The following FBXO42 variants were observed in gnomAD, a reference collection of about 807,000 sequenced individuals.
FBXO42 encodes the protein F-box protein 42, also known as F-box only protein 42.
In FBXO42, 12 loss-of-function variants were observed where a neutral mutation model predicts 71.7. The observed-to-expected ratio is 0.17, with a 90% confidence interval of 0.11 to 0.27. The LOEUF is 0.27. FBXO42 is among the 10% of genes least tolerant of loss of function. The pLI, the probability that FBXO42 is intolerant of heterozygous loss-of-function variation, is 1.00. For synonymous variants in FBXO42, 325 were observed against 327.5 expected, an observed-to-expected ratio of 0.99 and a Z score of 0.08; for missense variants, 707 against 911.9, an observed-to-expected ratio of 0.78 and a Z score of 2.89.
chr1:16,305,243 C>A (rs2082237046), intron 3 of FBXO42, among the ~76,000 whole-genome samples: 1 of 151,852 alleles, frequency 6.6e-6, no homozygotes, highest in Non-Finnish European at 1.5e-5. Context: ...TAAAAATTAG[C>A]CAGGCGTGGT....
Position 16,310,974 on chromosome 1 carries a change from AAAAC to A in FBXO42, c.250+4191_250+4194del, listed in dbSNP as rs140818602. ...GGGCAACAGAGCCGGACTCCATCTC[AAAAC>A]AAACAAACAAACAAACAAAAAAACT... On this transcript the variant is annotated intron_variant, in intron 2 of 9. Coordinates refer to ENST00000375592, the MANE Select transcript of FBXO42 (RefSeq NM_018994.3). 8.2e-5 allele frequency among the ~76,000 whole-genome samples: 12 copies of A among 145,722 alleles called. No individual in the cohort carries two copies. In the Middle Eastern group the frequency reaches 0.01, roughly 127 times the overall value.
intron 4 of FBXO42, among the ~76,000 whole-genome samples, chr1:16,289,408 T>TA (rs58450626): frequency 0.29 from 40,158 of 139,170 alleles, 6,158 homozygotes; most frequent in Non-Finnish European, 0.37. Context: ...ATTGTCTCTT[T>TA]AAAAAAAAAA....
At position 16,295,513 on chromosome 1, in the gene FBXO42, C is replaced by T. The variant is rs1360037505; in HGVS notation, c.368-596G>A. On this transcript the variant is annotated intron_variant, in intron 3 of 9. Transcript: ENST00000375592. The stretch of plus-strand genomic sequence containing the variant: ...GCAAGCGATTCTCCTGCCTCAGCCT[C>T]CCAAGTAGCTGGGATTACAGGTGTG... Among the ~76,000 whole-genome samples the T allele has an allele frequency of 3.3e-5, 5 of 152,242 alleles. No homozygotes were observed. The East Asian group carries it at 7.7e-4, about 23-fold the overall frequency.
chr1:16,337,419 T>C (rs1196161408), intron 1 of FBXO42, among the ~76,000 whole-genome samples: 1 of 152,128 alleles, frequency 6.6e-6, no homozygotes. Flanking sequence ...GTGAGGAACA[T>C]ATTATCAATT....
At chr1:16,275,355 T>C (rs759082244) in intron 4 of FBXO42, among the ~76,000 whole-genome samples, 2 of 152,198 alleles carry the variant, frequency 1.3e-5, no homozygotes, top group African/African-American at 2.4e-5. Context: ...CGATGGCTCA[T>C]GTCTGTAATC....
intron 7 of FBXO42, 130 bp from the exon 8 acceptor site, chr1:16,253,282 A>G: frequency 1.4e-6 from 1 of 711,196 alleles, no homozygotes. Context: ...TAACCTCTCC[A>G]TTCTCCTAAA....
At position 16,259,490 on chromosome 1, in the gene FBXO42, G is replaced by A. The variant is rs753245827; in HGVS notation, c.503-2731C>T. 3.3e-5 allele frequency among the ~76,000 whole-genome samples: 5 copies of A among 152,136 alleles called. No individual in the cohort carries two copies. In the South Asian group the frequency reaches 6.2e-4, roughly 19 times the overall value. Reference sequence around the variant, plus strand: ...TAAGAATATATACCTCTTGCCAGGCGCAGTGGCTCACACCTGTAATCCCAG... The same window carrying A: ...TAAGAATATATACCTCTTGCCAGGCACAGTGGCTCACACCTGTAATCCCAG... On this transcript the variant is annotated intron_variant, in intron 4 of 9. Transcript: ENST00000375592.
chr1:16,303,017 C>T (rs1001758682), intron 3 of FBXO42, among the ~76,000 whole-genome samples: 1 of 151,826 alleles, frequency 6.6e-6, no homozygotes, highest in South Asian at 2.1e-4. Context: ...CTCAGGGGTT[C>T]GAGACCAGTC....
chr1:16,314,578 C>T (rs553985639), intron 2 of FBXO42, among the ~76,000 whole-genome samples: 2 of 152,300 alleles, frequency 1.3e-5, no homozygotes, highest in South Asian at 2.1e-4. Flanking sequence ...TTCACATTGG[C>T]TATTACTATT....
In FBXO42 at chr1:16,251,553, C is replaced by A. The variant is rs760070779; in HGVS notation, c.1271G>T (p.Arg424Leu). 8 of 1,613,974 alleles carry A rather than the reference C, an allele frequency of 5.0e-6. No individual in the cohort carries two copies. In the Admixed American group the frequency reaches 1.3e-4, roughly 27 times the overall value. Residue 424 changes from arginine to leucine, a missense_variant, in exon 10 of 10, where the codon CGG (arginine) becomes CTG (leucine). Arg to Leu is a moderately radical substitution (Grantham distance 102). Around this residue, in one of 5 missense-constraint regions of FBXO42, gnomAD observed 482 missense variants for 587.1 expected, o/e 0.82. Coordinates refer to ENST00000375592, the MANE Select transcript of FBXO42 (RefSeq NM_018994.3). This position sits in a 1 kb window ranked among gnomAD's most constrained non-coding sequence, Gnocchi z 4.5. ...RAQRQTPSGS[R>L]EGSLSPARGD... ...TCTGGCTGGGGAAAGGCTCCCTTCC[C>A]GGGAACCTGAAGGAGTCTGCCTTTG...
chr1:16,256,786 T>A (rs1216177530), intron 4 of FBXO42, 27 bp from the exon 5 acceptor site: 3 of 1,612,068 alleles, frequency 1.9e-6, no homozygotes, highest in African/African-American at 2.7e-5. Flanking sequence ...ACACCATGGT[T>A]AGCATTCAGG....
intron 1 of FBXO42, among the ~76,000 whole-genome samples, chr1:16,330,154 T>A (rs1223085661): frequency 6.6e-6 from 1 of 152,216 alleles, no homozygotes; most frequent in East Asian, 1.9e-4. Context: ...ATTTCATTCC[T>A]GCATACCTTG....
chr1:16,256,871 C>T, intron 4 of FBXO42, 112 bp from the exon 5 acceptor site: 1 of 1,118,818 alleles, frequency 8.9e-7, no homozygotes, highest in East Asian at 2.5e-5. Context: ...GGAACTAATA[C>T]TACAAAGTGT....
At chr1:16,351,450 T>C (rs2082702163) in intron 1 of FBXO42, among the ~76,000 whole-genome samples, 1 of 152,192 alleles carries the variant, frequency 6.6e-6, no homozygotes, top group Admixed American at 6.6e-5. Context: ...ATCCAGACTC[T>C]GGCAATTAAG....
rs181132274 is a variant in FBXO42 at position 16,311,045 on chromosome 1, C to T, written c.250+4124G>A. ...ACAACCCAATTAAAAAATGGGTCAACGCCGGGCACGGTGGCTCACGCCTGT... is the reference window on the plus strand; with the variant it reads ...ACAACCCAATTAAAAAATGGGTCAATGCCGGGCACGGTGGCTCACGCCTGT... On this transcript the variant is annotated intron_variant, in intron 2 of 9. Transcript: ENST00000375592. 3.1e-4 allele frequency among the ~76,000 whole-genome samples: 44 copies of T among 144,202 alleles called. 1 individual carries two copies. In the East Asian group the frequency reaches 8.5e-3, roughly 28 times the overall value. 94.6% of individuals were successfully genotyped at this position (144,202 alleles called of 152,430 possible). A position where few individuals can be genotyped will look rare whatever the true frequency, so the allele number is the denominator to read the frequency against.
intron 4 of FBXO42, among the ~76,000 whole-genome samples, chr1:16,261,666 G>C (rs996232058): frequency 6.6e-6 from 1 of 151,996 alleles, no homozygotes; most frequent in African/African-American, 2.4e-5. Flanking sequence ...TTTATACAGT[G>C]AGTTCAGCAA....
chr1:16,275,079 C>T (rs1162623005), intron 4 of FBXO42, among the ~76,000 whole-genome samples: 1 of 152,092 alleles, frequency 6.6e-6, no homozygotes, highest in African/African-American at 2.4e-5. Flanking sequence ...TTTAAGAACC[C>T]ATTCATCACA....
intron 1 of FBXO42, among the ~76,000 whole-genome samples, chr1:16,330,079 G>A (rs2082485118): frequency 1.3e-5 from 2 of 152,222 alleles, no homozygotes; most frequent in East Asian, 1.9e-4. Context: ...CCTAGGTGAA[G>A]TTATTATATT....
chr1:16,334,922 G>A (rs1569939433), intron 1 of FBXO42, among the ~76,000 whole-genome samples: 1 of 151,786 alleles, frequency 6.6e-6, no homozygotes, highest in South Asian at 2.1e-4. Flanking sequence ...TTAGTATCAG[G>A]AAGAAAAAAC....
Sources: gnomAD v4.1 joint callset for allele counts (sites outside exome capture counted in the v4.1 genomes callset) on GRCh38, gnomAD v4.1.1 for gene constraint, gnomAD v4.1.1 regional missense constraint, Gnocchi (gnomAD v3.1) non-coding constraint, MANE v1.5 for transcripts, NCBI Gene and HGNC (gene_info 2026-07-23, HGNC 2026-07-21) for gene names.